Variants in TAF12 observed in about 807,000 individuals in gnomAD.
TAF12 encodes the protein TATA-box binding protein associated factor 12, also known as transcription initiation factor TFIID subunit 12.
In TAF12, 3 loss-of-function variants were observed where a neutral mutation model predicts 20.8. The observed-to-expected ratio is 0.14, with a 90% CI of 0.07 to 0.37. TAF12 has a LOEUF of 0.37. Ranked by LOEUF, TAF12 falls within the 10% of genes least tolerant of loss-of-function variation. The pLI is 1.00. For synonymous variants in TAF12, 69 were observed against 70.2 expected, an observed-to-expected ratio of 0.98 and a Z score of 0.09; for missense variants, 131 against 197.9, an observed-to-expected ratio of 0.66 and a Z score of 2.03.
intron 1 of TAF12, among the ~76,000 whole-genome samples, chr1:28,635,229 C>CAAATAAAT (rs923367570): frequency 7.1e-6 from 1 of 139,996 alleles, no homozygotes; most frequent in Non-Finnish European, 1.5e-5. Context: ...GACTCCGTCT[C>CAAATAAAT]AAATAAATAA....
intron 1 of TAF12, among the ~76,000 whole-genome samples, chr1:28,639,056 T>C (rs1184750656): frequency 6.6e-6 from 1 of 151,290 alleles, no homozygotes; most frequent in Non-Finnish European, 1.5e-5. Flanking sequence ...ATTACCGGCG[T>C]GAGCCACCAC....
At chr1:28,622,957 A>T (rs979178609) in intron 1 of TAF12, among the ~76,000 whole-genome samples, 2 of 145,302 alleles carry the variant, frequency 1.4e-5, no homozygotes, top group Non-Finnish European at 1.6e-5. Context: ...AACACAGGAG[A>T]CAGAGCTTGC....
intron 2 of TAF12, among the ~76,000 whole-genome samples, chr1:28,620,462 G>T (rs1667184968): frequency 7.2e-6 from 1 of 138,768 alleles, no homozygotes; most frequent in African/African-American, 2.7e-5. Flanking sequence ...TTGCAACAGA[G>T]TCTCGCTCTG....
chr1:28,631,951 G>A (rs1464918138), intron 1 of TAF12, among the ~76,000 whole-genome samples: 2 of 152,118 alleles, frequency 1.3e-5, no homozygotes, highest in African/African-American at 2.4e-5. Flanking sequence ...TTAAATGTAT[G>A]CTTATATGAC....
chr1:28,626,557 C>T (rs538400615), intron 1 of TAF12, among the ~76,000 whole-genome samples: 4 of 139,538 alleles, frequency 2.9e-5, no homozygotes, highest in South Asian at 2.2e-4. Context: ...CTCCAGCCCG[C>T]GCAACAAGAG....
At chr1:28,647,480 G>A (rs1000425411), upstream of TAF12, among the ~76,000 whole-genome samples, 1 of 151,936 alleles carries the variant, frequency 6.6e-6, no homozygotes, top group African/African-American at 2.4e-5. Flanking sequence ...TAGGGACGAG[G>A]TCTCTATATG....
chr1:28,621,876 G>T, intron 2 of TAF12, 38 bp downstream of exon 2: 2 of 1,604,886 alleles, frequency 1.2e-6, no homozygotes, highest in Non-Finnish European at 1.7e-6. Flanking sequence ...TAATAGGTAA[G>T]AAGTGGCTAC....
chr1:28,624,712 A>G (rs1329316484), intron 1 of TAF12, among the ~76,000 whole-genome samples: 1 of 151,998 alleles, frequency 6.6e-6, no homozygotes, highest in Non-Finnish European at 1.5e-5. Flanking sequence ...AGGCCACTGC[A>G]CTCCAGCCTG....
In TAF12 at chr1:28,642,993, G is replaced by A. The variant is rs770432411; in HGVS notation, c.-86C>T. 2 of 985,922 alleles carry A rather than the reference G, an allele frequency of 2.0e-6. No individual in the cohort carries two copies. The highest frequency in any genetic ancestry group is 2.4e-6 in the Non-Finnish European group (2 of 830,086). 61.1% of individuals were successfully genotyped at this position (985,922 alleles called of 1,614,324 possible). On this transcript the variant is annotated splice_region_variant and 5_prime_UTR_variant, in exon 1 of 6. Coordinates refer to ENST00000373824, the MANE Select transcript of TAF12 (RefSeq NM_005644.4). ...CAACTGCCAGGGCCCAAGACTCACA[G>A]GCAGCAGCGTCTATCTCCCCATGAT... is the stretch of plus-strand genomic sequence containing the variant.
chr1:28,621,052 T>C (rs1419993849), intron 2 of TAF12, among the ~76,000 whole-genome samples: 1 of 152,198 alleles, frequency 6.6e-6, no homozygotes, highest in Non-Finnish European at 1.5e-5. Context: ...TTATTAAATA[T>C]CTGCAAAGAT....
At position 28,621,969 on chromosome 1, in the gene TAF12, A is replaced by G. The variant is rs372852548; in HGVS notation, c.113T>C (p.Val38Ala). 24 of 1,613,820 alleles carry G rather than the reference A, an allele frequency of 1.5e-5. No homozygotes were observed. Among genetic ancestry groups the G allele is most frequent in the East Asian group, 2.2e-5 (1 of 44,896 alleles). Residue 38 changes from valine (V) to alanine (A), a missense_variant, in exon 2 of 6, where the codon GTA becomes GCA. Physicochemically the swap from Val to Ala is moderately conservative, Grantham distance 64. Around this residue, in one of 3 missense-constraint regions of TAF12, gnomAD observed 63 missense variants for 72.1 expected, o/e 0.87. Transcript: ENST00000373824. ...TGCCCCAGGAGTGCCTGGTATCTTTACCACTGCAGTACTATTGGCCATGGA... is the reference window on the plus strand; with the variant it reads ...TGCCCCAGGAGTGCCTGGTATCTTTGCCACTGCAGTACTATTGGCCATGGA... ...QGSMANSTAV[V>A]KIPGTPGAGG...
At chr1:28,643,215 A>T (rs1332292839), upstream of TAF12, 2 of 645,086 alleles carry the variant, frequency 3.1e-6, no homozygotes, top group African/African-American at 3.9e-5. Flanking sequence ...GTGTGTAGGT[A>T]CACCCTGCAG....
chr1:28,622,031 G>A lies in TAF12; in HGVS notation c.51C>T (p.Ser17=). 1 of 1,614,020 alleles carries A rather than the reference G, an allele frequency of 6.2e-7. No individual in the cohort carries two copies. Among genetic ancestry groups the A allele is most frequent in the Non-Finnish European group, 8.5e-7 (1 of 1,180,010 alleles). Residue 17 remains serine, a synonymous_variant, in exon 2 of 6, where the codon TCC becomes TCT. Coordinates refer to ENST00000373824, the MANE Select transcript of TAF12 (RefSeq NM_005644.4). ...GGGTGCTGGCTGGTTCCGGTTTTAT[G>A]GATGAGAAATTGGAGAGGTTGATTA... ...SALINLSNFS[S]IKPEPASTPP...
intron 4 of TAF12, among the ~76,000 whole-genome samples, chr1:28,607,724 C>T (rs1223684973): frequency 2.0e-5 from 3 of 151,846 alleles, no homozygotes; most frequent in Non-Finnish European, 2.9e-5. Flanking sequence ...CCTGTAGTCC[C>T]AACTACTTGG....
At chr1:28,632,420 G>GT (rs1359372481) in intron 1 of TAF12, among the ~76,000 whole-genome samples, 2 of 152,120 alleles carry the variant, frequency 1.3e-5, no homozygotes, top group Admixed American at 1.3e-4. Flanking sequence ...GGAGGCTGAG[G>GT]TAAGAGAATT....
chr1:28,632,117 T>C (rs142689359), intron 1 of TAF12, among the ~76,000 whole-genome samples: 7 of 152,276 alleles, frequency 4.6e-5, no homozygotes, highest in African/African-American at 1.7e-4. Flanking sequence ...CAAATTATGG[T>C]ATATCCATTC....
intron 1 of TAF12, among the ~76,000 whole-genome samples, chr1:28,641,207 C>T (rs1245634861): frequency 1.7e-4 from 26 of 151,678 alleles, no homozygotes; most frequent in Admixed American, 1.6e-3. Context: ...CTGGGCCGGG[C>T]GCAGTGGCTC....
chr1:28,621,240 TGAAATA>T (rs1207770142), intron 2 of TAF12, among the ~76,000 whole-genome samples: 1 of 152,270 alleles, frequency 6.6e-6, no homozygotes, highest in East Asian at 1.9e-4. Flanking sequence ...CTCATTCCCT[TGAAATA>T]CTGGGCGAAC....
chr1:28,634,591 T>C (rs967886031), intron 1 of TAF12, among the ~76,000 whole-genome samples: 2 of 152,062 alleles, frequency 1.3e-5, no homozygotes, highest in African/African-American at 2.4e-5. Context: ...AAATATTTAG[T>C]AATTCTATCA....
Sources: gnomAD v4.1 joint callset for allele counts (sites outside exome capture counted in the v4.1 genomes callset) on GRCh38, gnomAD v4.1.1 for gene constraint, gnomAD v4.1.1 regional missense constraint, MANE v1.5 for transcripts, NCBI Gene and HGNC (gene_info 2026-07-23, HGNC 2026-07-21) for gene names.